The following MTARC2 variants were observed in gnomAD, a reference collection of about 807,000 sequenced individuals.
MTARC2 encodes mitochondrial amidoxime reducing component 2.
MTARC2 carries 27 observed loss-of-function variants against 35.6 expected under a neutral mutation model. The ratio of observed to expected loss-of-function variants is 0.76; its 90% CI spans 0.56 to 1.04. MTARC2 has a LOEUF of 1.04. Ranked by LOEUF, MTARC2 falls within the 50% of genes least tolerant of loss-of-function variation. The pLI is 0.00. For synonymous variants in MTARC2, 158 were observed against 167.1 expected, an observed-to-expected ratio of 0.95 and a Z score of 0.42; for missense variants, 412 against 432.5, an observed-to-expected ratio of 0.95 and a Z score of 0.42.
At chr1:220,777,358 G>A (rs1671945577) in intron 4 of MTARC2, among the ~76,000 whole-genome samples, 1 of 152,152 alleles carries the variant, frequency 6.6e-6, no homozygotes, top group Admixed American at 6.5e-5. Flanking sequence ...GGAGGGGGTT[G>A]GAGGGGCTGG....
At chr1:220,777,979 C>T (rs1351461379) in intron 4 of MTARC2, among the ~76,000 whole-genome samples, 1 of 152,156 alleles carries the variant, frequency 6.6e-6, no homozygotes. Context: ...CGGTGGCTTA[C>T]ACCCTGAAAT....
At chr1:220,777,701 G>A (rs1339002183) in intron 4 of MTARC2, among the ~76,000 whole-genome samples, 1 of 152,164 alleles carries the variant, frequency 6.6e-6, no homozygotes, top group African/African-American at 2.4e-5. Context: ...GTAGGTAGCA[G>A]CAGAGACAGG....
At chr1:220,769,172 G>A (rs1465586793) in intron 4 of MTARC2, among the ~76,000 whole-genome samples, 4 of 152,246 alleles carry the variant, frequency 2.6e-5, no homozygotes, top group Admixed American at 2.6e-4. Context: ...GGTTGGGCAA[G>A]AGGGAGTGAA....
intron 1 of MTARC2, among the ~76,000 whole-genome samples, chr1:220,750,851 T>G (rs1671106304): frequency 6.6e-6 from 1 of 152,184 alleles, no homozygotes; most frequent in African/African-American, 2.4e-5. Context: ...AGTACAGAAC[T>G]TATGCTGTTT....
At chr1:220,770,766 G>T (rs1671721468) in intron 4 of MTARC2, among the ~76,000 whole-genome samples, 1 of 152,250 alleles carries the variant, frequency 6.6e-6, no homozygotes, top group Admixed American at 6.5e-5. Flanking sequence ...CAGAGTGGGA[G>T]ACTAGAATGT....
intron 4 of MTARC2, among the ~76,000 whole-genome samples, chr1:220,776,147 G>A (rs1671905179): frequency 6.6e-6 from 1 of 152,180 alleles, no homozygotes; most frequent in South Asian, 2.1e-4. Flanking sequence ...CCTACCAACA[G>A]TATATAAACA....
chr1:220,781,735 A>G (rs1672076776), intron 6 of MTARC2, 43 bp from the exon 7 acceptor site: 1 of 1,608,488 alleles, frequency 6.2e-7, no homozygotes, highest in South Asian at 1.1e-5. Flanking sequence ...TTCGATTATT[A>G]TTTCCTTTTT....
At chr1:220,770,409 G>T in intron 4 of MTARC2, 3 of 985,402 alleles carry the variant, frequency 3.0e-6, no homozygotes, top group Non-Finnish European at 3.6e-6. Context: ...CTTCAGAGAC[G>T]GTGGTGCGCG....
chr1:220,770,292 G>A (rs980481256), intron 4 of MTARC2: 7 of 609,016 alleles, frequency 1.1e-5, no homozygotes, highest in African/African-American at 1.0e-4. Flanking sequence ...CTTTGTGTGA[G>A]ACCTTGTTGA....
chr1:220,751,341 G>A (rs1441974391), intron 1 of MTARC2, among the ~76,000 whole-genome samples: 1 of 152,182 alleles, frequency 6.6e-6, no homozygotes, highest in Non-Finnish European at 1.5e-5. Flanking sequence ...TTCGGTGCCT[G>A]GTGCAGTTGC....
At position 220,764,458 on chromosome 1, in the gene MTARC2, G is replaced by A. The variant is rs182830163; in HGVS notation, c.750+1408G>A. On this transcript the variant is annotated intron_variant, in intron 4 of 7. Transcript: ENST00000366913. ...TGCACTGAGCCTTGTATAAACCATC[G>A]TACATGTAGGCACTCCGTATTATCT... 3.6e-4 allele frequency among the ~76,000 whole-genome samples: 55 copies of A among 152,156 alleles called. 1 individual carries two copies. The highest frequency in any genetic ancestry group is 3.3e-3 in the Admixed American group (51 of 15,276).
At chr1:220,755,863 C>T (rs1361347449) in intron 2 of MTARC2, among the ~76,000 whole-genome samples, 1 of 152,182 alleles carries the variant, frequency 6.6e-6, no homozygotes, top group Non-Finnish European at 1.5e-5. Context: ...AAAGGTGGTA[C>T]AATGTGCTCA....
chr1:220,752,806 C>T (rs945778913), intron 1 of MTARC2, among the ~76,000 whole-genome samples: 18 of 151,990 alleles, frequency 1.2e-4, no homozygotes, highest in Non-Finnish European at 2.1e-4. Context: ...AAGATCACGC[C>T]GCTGTACTCC....
chr1:220,758,675 TC>T (rs1671350348), intron 2 of MTARC2, among the ~76,000 whole-genome samples: 1 of 152,236 alleles, frequency 6.6e-6, no homozygotes, highest in Non-Finnish European at 1.5e-5. Flanking sequence ...TGCCTTGGCC[TC>T]CCAAAGTGCT....
intron 4 of MTARC2, among the ~76,000 whole-genome samples, chr1:220,778,529 C>T (rs980764061): frequency 6.6e-6 from 1 of 152,168 alleles, no homozygotes; most frequent in African/African-American, 2.4e-5. Context: ...GAAAGATCCA[C>T]CCCCATGATT....
At position 220,748,494 on chromosome 1, in the gene MTARC2, G is replaced by A; in HGVS notation, c.-38G>A. ...GTCCTCCCGGTCTCCGGTCGCTGCC[G>A]GGTCTGTGCGCCGGTCCGCGCCCGC... On this transcript the variant is annotated 5_prime_UTR_variant, in exon 1 of 8. Transcript: ENST00000366913. 2.2e-6 allele frequency: 3 copies of A among 1,365,818 alleles called. No homozygotes were observed. The highest frequency in any genetic ancestry group is 1.7e-5 in the South Asian group (1 of 57,504). The allele number at this position is 1,365,818 out of a possible 1,614,324, so 84.6% of individuals were successfully genotyped here.
At chr1:220,763,822 T>G (rs1193650161) in intron 4 of MTARC2, among the ~76,000 whole-genome samples, 4 of 152,230 alleles carry the variant, frequency 2.6e-5, no homozygotes, top group Non-Finnish European at 5.9e-5. Flanking sequence ...TTATTTGATC[T>G]TTACGATAAC....
intron 2 of MTARC2, among the ~76,000 whole-genome samples, chr1:220,759,665 A>G (rs1035003523): frequency 6.6e-6 from 1 of 152,186 alleles, no homozygotes; most frequent in Admixed American, 6.5e-5. Flanking sequence ...ATCCAGGAGC[A>G]TGTACTTAGG....
At chr1:220,751,507 A>G (rs1329404095) in intron 1 of MTARC2, among the ~76,000 whole-genome samples, 1 of 152,112 alleles carries the variant, frequency 6.6e-6, no homozygotes, top group African/African-American at 2.4e-5. Context: ...GGAATCCCTT[A>G]AGTTTATTAT....
Sources: allele counts gnomAD v4.1 joint callset (sites outside exome capture counted in the v4.1 genomes callset), GRCh38; gene constraint gnomAD v4.1.1; transcripts MANE v1.5; gene names NCBI Gene and HGNC (gene_info 2026-07-23, HGNC 2026-07-21).